Variants in SLC24A2 observed in about 807,000 individuals in gnomAD.
SLC24A2 encodes solute carrier family 24 member 2.
In SLC24A2, 36 loss-of-function variants were observed where a neutral mutation model predicts 62.0. The observed-to-expected ratio is 0.58, with a 90% CI of 0.44 to 0.77. The LOEUF (loss-of-function observed/expected upper bound fraction) is 0.77. SLC24A2 is among the 30% of genes least tolerant of loss of function. The pLI is 0.00. For synonymous variants in SLC24A2, 358 were observed against 294.0 expected (o/e 1.22, Z -2.23); for missense variants, 846 against 817.9 (o/e 1.03, Z -0.42).
the SLC24A2 span, among the ~76,000 whole-genome samples, chr9:19,971,686 GAC>G: frequency 0.055 from 8,334 of 152,190 alleles, 279 homozygotes; most frequent in African/African-American, 0.096. Flanking sequence ...CATTCAGAAT[GAC>G]ACTTCTGCTG....
At chr9:20,196,658 T>A in the SLC24A2 span, among the ~76,000 whole-genome samples, 1 of 152,342 alleles carries the variant, frequency 6.6e-6, no homozygotes, top group Middle Eastern at 3.4e-3. Flanking sequence ...CTTTAGTTTA[T>A]AGTGCATAGG....
chr9:19,905,030 A>C, the SLC24A2 span, among the ~76,000 whole-genome samples: 1 of 152,330 alleles, frequency 6.6e-6, no homozygotes, highest in Non-Finnish European at 1.5e-5. Context: ...CTTGAAAATT[A>C]GATTTTTTGT....
chr9:20,050,331 G>T, the SLC24A2 span, among the ~76,000 whole-genome samples: 1 of 151,480 alleles, frequency 6.6e-6, no homozygotes, highest in East Asian at 1.9e-4. Flanking sequence ...CATGAGAATC[G>T]CTTGAACCTG....
the SLC24A2 span, among the ~76,000 whole-genome samples, chr9:20,026,206 G>T: frequency 0.016 from 2,364 of 151,584 alleles, 62 homozygotes; most frequent in African/African-American, 0.055. Flanking sequence ...GAATTAAGGT[G>T]GTAAAAAAAA....
At chr9:19,925,698 C>T in the SLC24A2 span, among the ~76,000 whole-genome samples, 1 of 152,126 alleles carries the variant, frequency 6.6e-6, no homozygotes, top group East Asian at 1.9e-4. Context: ...CCTGAGGTTC[C>T]CTGACTAGGG....
At chr9:20,208,562 G>C in the SLC24A2 span, among the ~76,000 whole-genome samples, 3 of 152,164 alleles carry the variant, frequency 2.0e-5, no homozygotes, top group Admixed American at 2.0e-4. Flanking sequence ...CTAAAACCTT[G>C]ATTTATCATA....
At chr9:20,081,271 A>G in the SLC24A2 span, among the ~76,000 whole-genome samples, 15 of 152,200 alleles carry the variant, frequency 9.9e-5, no homozygotes, top group East Asian at 1.5e-3. Flanking sequence ...AATGTGGCAC[A>G]TATACACGAT....
chr9:19,527,292 T>C (rs1833485734), intron 9 of SLC24A2, among the ~76,000 whole-genome samples: 1 of 152,194 alleles, frequency 6.6e-6, no homozygotes, highest in Non-Finnish European at 1.5e-5. Context: ...ATCTCAGTTC[T>C]ACCTATGTGA....
the SLC24A2 span, among the ~76,000 whole-genome samples, chr9:19,935,557 G>C: frequency 0.027 from 4,121 of 152,288 alleles, 69 homozygotes; most frequent in Non-Finnish European, 0.042. Context: ...CCTGTCCTGG[G>C]GTGCAAGCTG....
the SLC24A2 span, among the ~76,000 whole-genome samples, chr9:19,980,454 A>G: frequency 0.72 from 110,058 of 152,110 alleles, 40,874 homozygotes; most frequent in Non-Finnish European, 0.82. Context: ...GACACTGGAA[A>G]GCTGGTAGAG....
chr9:19,550,698 CTT>C, intron 7 of SLC24A2, among the ~76,000 whole-genome samples: 1 of 71,146 alleles, frequency 1.4e-5, no homozygotes, highest in Non-Finnish European at 3.0e-5. Flanking sequence ...AAAAATATTT[CTT>C]TTTCTCTTTT....
At chr9:19,831,321 T>C in the SLC24A2 span, among the ~76,000 whole-genome samples, 6,432 of 152,246 alleles carry the variant, frequency 0.042, 466 homozygotes, top group African/African-American at 0.15. Context: ...TTCTTGTGTT[T>C]TTCTTCTCCT....
At chr9:20,069,545 C>T in the SLC24A2 span, among the ~76,000 whole-genome samples, 1 of 152,100 alleles carries the variant, frequency 6.6e-6, no homozygotes, top group Non-Finnish European at 1.5e-5. Context: ...TGCTGGCACC[C>T]CAAAACCATC....
chr9:20,291,110 A>T, the SLC24A2 span, among the ~76,000 whole-genome samples: 1 of 152,200 alleles, frequency 6.6e-6, no homozygotes, highest in Non-Finnish European at 1.5e-5. Context: ...AGCTCCAAGG[A>T]GCATACGGAA....
the SLC24A2 span, among the ~76,000 whole-genome samples, chr9:19,985,411 G>T: frequency 2.6e-5 from 4 of 152,170 alleles, no homozygotes; most frequent in East Asian, 7.7e-4. Context: ...GAAATAAAAA[G>T]AAATGAATTA....
At chr9:20,130,279 G>C in the SLC24A2 span, among the ~76,000 whole-genome samples, 4 of 150,838 alleles carry the variant, frequency 2.7e-5, no homozygotes, top group Non-Finnish European at 4.4e-5. Context: ...ATTGAAAAGA[G>C]ACAAGAAATA....
chr9:20,027,233 A>C, the SLC24A2 span, among the ~76,000 whole-genome samples: 52,432 of 151,892 alleles, frequency 0.35, 9,179 homozygotes, highest in Middle Eastern at 0.45. Context: ...ATTATGGAAA[A>C]CAGTAGGGAA....
the SLC24A2 span, among the ~76,000 whole-genome samples, chr9:20,019,163 G>C: frequency 1.9e-3 from 245 of 125,944 alleles, 6 homozygotes; most frequent in African/African-American, 6.2e-3. Flanking sequence ...GAAAGAGAGA[G>C]AGACAGAAAG....
At chr9:20,280,365 G>T in the SLC24A2 span, among the ~76,000 whole-genome samples, 4 of 152,152 alleles carry the variant, frequency 2.6e-5, no homozygotes, top group Admixed American at 2.0e-4. Flanking sequence ...ATAACCTCTA[G>T]ATTGAAGCAG....
Sources: allele counts gnomAD v4.1 joint callset (sites outside exome capture counted in the v4.1 genomes callset), GRCh38; gene constraint gnomAD v4.1.1; transcripts MANE v1.5; gene names NCBI Gene and HGNC (gene_info 2026-07-23, HGNC 2026-07-21).